The following CDRT4 variants were observed in gnomAD, a reference collection of about 807,000 sequenced individuals.
The protein encoded by CDRT4 is CMT1A duplicated region transcript 4, also known as CMT1A duplicated region transcript 4 protein.
For synonymous variants in CDRT4, 64 were observed against 69.6 expected (o/e 0.92, Z 0.40); for missense variants, 167 against 193.1 (o/e 0.87, Z 0.80).
intron 2 of CDRT4, among the ~76,000 whole-genome samples, chr17:15,441,791 G>A (rs1978775117): frequency 6.6e-6 from 1 of 152,202 alleles, no homozygotes; most frequent in Non-Finnish European, 1.5e-5. Context: ...ATCTTACAGA[G>A]TCCCTGCTGT....
At position 15,463,968 on chromosome 17, in the gene CDRT4, G is replaced by A. The variant is rs145404200; in HGVS notation, c.-130+3492C>T. Among the ~76,000 whole-genome samples the A allele has an allele frequency of 4.6e-5, 7 of 152,174 alleles. 1 individual carries two copies. Among genetic ancestry groups the A allele is most frequent in the South Asian group, 2.1e-4 (1 of 4,812 alleles). ...TCCAAGTCAGGCGGGCAGAGGAGCC[G>A]GCAAAGTGATATTCAAAGGTCAAGC... is the stretch of plus-strand genomic sequence containing the variant. On this transcript the variant is annotated intron_variant, in intron 1 of 3. Transcript: ENST00000619038.
intron 2 of CDRT4, among the ~76,000 whole-genome samples, chr17:15,442,485 A>C (rs1456030144): frequency 6.6e-6 from 1 of 152,162 alleles, no homozygotes; most frequent in Admixed American, 6.5e-5. Flanking sequence ...AGATGGTGGA[A>C]ATATGTTTCA....
intron 1 of CDRT4, among the ~76,000 whole-genome samples, chr17:15,459,564 C>A (rs1004432234): frequency 2.6e-5 from 4 of 151,616 alleles, no homozygotes; most frequent in African/African-American, 7.3e-5. Context: ...CCTGCCTCAG[C>A]CTCCTGAGTA....
chr17:15,437,538 C>T lies in CDRT4; in HGVS notation c.*235G>A. 3.5e-6 allele frequency: 2 copies of T among 569,338 alleles called. No individual in the cohort carries two copies. Among genetic ancestry groups the T allele is most frequent in the Non-Finnish European group, 6.2e-6 (2 of 321,128 alleles). The allele number at this position is 569,338 out of a possible 1,614,324, so 35.3% of individuals were successfully genotyped here. ...TGAGAATCTGCAGCAGAGACTAGAG[C>T]CAGGGACTGCCCAAACCCACCAGAG... On this transcript the variant is annotated 3_prime_UTR_variant, in exon 4 of 4. Coordinates refer to ENST00000619038, the MANE Select transcript of CDRT4 (RefSeq NM_001204477.2).
chr17:15,446,979 T>C (rs1979056054), intron 2 of CDRT4, among the ~76,000 whole-genome samples: 1 of 152,130 alleles, frequency 6.6e-6, no homozygotes, highest in African/African-American at 2.4e-5. Context: ...GCTCCAAACA[T>C]TACTCTTCTA....
intron 1 of CDRT4, among the ~76,000 whole-genome samples, chr17:15,456,154 G>C (rs1979471907): frequency 6.6e-6 from 1 of 152,074 alleles, no homozygotes; most frequent in Non-Finnish European, 1.5e-5. Flanking sequence ...TAAAGTAAGG[G>C]AACCTATGTA....
chr17:15,446,784 T>G (rs949714543), intron 2 of CDRT4, among the ~76,000 whole-genome samples: 1 of 152,148 alleles, frequency 6.6e-6, no homozygotes, highest in African/African-American at 2.4e-5. Flanking sequence ...GATTCATCAC[T>G]TATGATGGGA....
At chr17:15,459,711 G>C (rs1425492044) in intron 1 of CDRT4, among the ~76,000 whole-genome samples, 2 of 152,096 alleles carry the variant, frequency 1.3e-5, no homozygotes, top group Non-Finnish European at 2.9e-5. Flanking sequence ...CTCCCAAAGT[G>C]CTGGGATTAC....
At chr17:15,458,407 A>G (rs904865848) in intron 1 of CDRT4, among the ~76,000 whole-genome samples, 2 of 152,136 alleles carry the variant, frequency 1.3e-5, no homozygotes, top group African/African-American at 2.4e-5. Flanking sequence ...TCACAGTCAG[A>G]GTGGAGGGGG....
At chr17:15,462,852 T>C (rs144425419) in intron 1 of CDRT4, among the ~76,000 whole-genome samples, 5 of 152,316 alleles carry the variant, frequency 3.3e-5, no homozygotes, top group Middle Eastern at 3.4e-3. Context: ...GGGAGGTTTC[T>C]AGAAGCTAGC....
chr17:15,455,061 G>A (rs1023555074), intron 1 of CDRT4, among the ~76,000 whole-genome samples: 3 of 152,106 alleles, frequency 2.0e-5, no homozygotes, highest in Non-Finnish European at 4.4e-5. Context: ...GCAACGTGAG[G>A]ACTAGATGAA....
chr17:15,460,239 G>C (rs1465281118), intron 1 of CDRT4, among the ~76,000 whole-genome samples: 1 of 151,954 alleles, frequency 6.6e-6, no homozygotes, highest in East Asian at 1.9e-4. Context: ...TTGTTAACCA[G>C]CACCCCTAAT....
At chr17:15,443,957 T>C (rs933608788) in intron 2 of CDRT4, 2 of 684,796 alleles carry the variant, frequency 2.9e-6, no homozygotes, top group Admixed American at 1.8e-5. Context: ...ATGGGTCTCC[T>C]GTCGAAATCC....
chr17:15,441,633 G>A (rs1304720913), intron 2 of CDRT4, among the ~76,000 whole-genome samples: 1 of 151,998 alleles, frequency 6.6e-6, no homozygotes, highest in African/African-American at 2.4e-5. Context: ...CATTGACAGG[G>A]TCAACTTTAA....
chr17:15,466,627 C>T (rs2150803530), intron 1 of CDRT4, among the ~76,000 whole-genome samples: 1 of 152,314 alleles, frequency 6.6e-6, no homozygotes, highest in African/African-American at 2.4e-5. Context: ...TGGGCTCACA[C>T]AGACACACAC....
At chr17:15,439,145 T>C in intron 3 of CDRT4, 2 of 456,178 alleles carry the variant, frequency 4.4e-6, no homozygotes, top group South Asian at 3.1e-5. Flanking sequence ...CTGCAGCTGC[T>C]ACCTTCCTCT....
At chr17:15,459,489 G>C (rs1413451954) in intron 1 of CDRT4, among the ~76,000 whole-genome samples, 8 of 136,432 alleles carry the variant, frequency 5.9e-5, no homozygotes, top group Non-Finnish European at 1.2e-4. Flanking sequence ...CTGTCACCTA[G>C]GCTGGAGTGC....
chr17:15,465,026 C>T (rs1402984441), intron 1 of CDRT4, among the ~76,000 whole-genome samples: 1 of 139,918 alleles, frequency 7.1e-6, no homozygotes, highest in Non-Finnish European at 1.5e-5. Context: ...CAGACACACA[C>T]CAACACACAG....
chr17:15,448,796 G>A (rs771346703), intron 2 of CDRT4, among the ~76,000 whole-genome samples: 20 of 152,158 alleles, frequency 1.3e-4, no homozygotes, highest in Non-Finnish European at 2.4e-4. Context: ...CCTGAGCGCT[G>A]TCCTCTGCCC....
Sources: allele counts gnomAD v4.1 joint callset (sites outside exome capture counted in the v4.1 genomes callset), GRCh38; gene constraint gnomAD v4.1.1; transcripts MANE v1.5; gene names NCBI Gene and HGNC (gene_info 2026-07-23, HGNC 2026-07-21).